Variants in SUMO2 observed in about 807,000 individuals in gnomAD.
The protein encoded by SUMO2 is small ubiquitin like modifier 2, also known as small ubiquitin-related modifier 2.
A neutral mutation model predicts 16.0 loss-of-function variants in SUMO2; 1 was observed. The ratio of observed to expected loss-of-function variants is 0.06; its 90% confidence interval spans 0.02 to 0.30. The LOEUF (loss-of-function observed/expected upper bound fraction) is 0.30, where lower values mean the gene tolerates loss of function less well. Among genes scored for constraint, SUMO2 ranks in the 10% least tolerant of loss-of-function variants. SUMO2 has a pLI of 1.00. For missense variants in SUMO2, 16 were observed against 117.5 expected (o/e 0.14, Z 3.99); for synonymous variants, 36 against 40.6 (o/e 0.89, Z 0.43).
chr17:75,172,717 C>T (rs921703485), intron 3 of SUMO2, among the ~76,000 whole-genome samples: 15 of 151,618 alleles, frequency 9.9e-5, no homozygotes, highest in Non-Finnish European at 2.1e-4. Context: ...TCAGGTGATC[C>T]GCCCACCTCG....
At chr17:75,174,695 A>G in intron 3 of SUMO2, 57 bp downstream of exon 3, 6 of 1,480,022 alleles carry the variant, frequency 4.1e-6, no homozygotes, top group Non-Finnish European at 5.6e-6. Context: ...ATTCATAAAC[A>G]CAGCTGTTCA....
At chr17:75,174,125 A>G (rs1052666832) in intron 3 of SUMO2, among the ~76,000 whole-genome samples, 2 of 152,220 alleles carry the variant, frequency 1.3e-5, no homozygotes, top group African/African-American at 2.4e-5. Context: ...GCGGTGGCTC[A>G]CACCTGTCAA....
At chr17:75,169,315 G>T (rs941238153) in intron 3 of SUMO2, among the ~76,000 whole-genome samples, 1 of 152,068 alleles carries the variant, frequency 6.6e-6, no homozygotes, top group African/African-American at 2.4e-5. Context: ...GAAGTGGGCG[G>T]GTCACCTGAG....
At chr17:75,174,990 TTTC>T (rs2074770775) in intron 2 of SUMO2, among the ~76,000 whole-genome samples, 167 bp from the exon 3 acceptor site, 1 of 152,178 alleles carries the variant, frequency 6.6e-6, no homozygotes, top group African/African-American at 2.4e-5. Flanking sequence ...TGATTTTCAT[TTTC>T]TTTTTTTTGA....
At chr17:75,179,933 C>T (rs1344004915) in intron 2 of SUMO2, among the ~76,000 whole-genome samples, 1 of 152,172 alleles carries the variant, frequency 6.6e-6, no homozygotes, top group African/African-American at 2.4e-5. Context: ...ATATGAGCCA[C>T]TGCATCAGGC....
At chr17:75,181,002 A>G (rs2074824843) in intron 2 of SUMO2, 55 bp downstream of exon 2, 1 of 1,603,060 alleles carries the variant, frequency 6.2e-7, no homozygotes, top group Non-Finnish European at 8.5e-7. Context: ...TCCCATGAAA[A>G]TAAGATTTTT....
chr17:75,174,891 T>C (rs2074769979), intron 2 of SUMO2, 68 bp from the exon 3 acceptor site: 1 of 1,380,398 alleles, frequency 7.2e-7, no homozygotes, highest in Non-Finnish European at 1.0e-6. Context: ...TAAAAGTACA[T>C]GCATATTTAA....
chr17:75,182,672 G>T, intron 1 of SUMO2, 142 bp downstream of exon 1: 2 of 592,408 alleles, frequency 3.4e-6, no homozygotes, highest in South Asian at 1.7e-4. Context: ...AAAATGGCGC[G>T]GAGCGCCCGG....
rs779312549 is a variant in SUMO2 at position 75,181,168 on chromosome 17, G to A, written c.42C>T (p.Asn14=). 4 of 1,613,700 alleles carry A rather than the reference G, an allele frequency of 2.5e-6. No homozygotes were observed. Among genetic ancestry groups the A allele is most frequent in the African/African-American group, 2.7e-5 (2 of 74,876 alleles). Residue 14 remains asparagine (N), a synonymous_variant, in exon 2 of 4, where the codon AAC becomes AAT. Coordinates refer to ENST00000420826, the MANE Select transcript of SUMO2 (RefSeq NM_006937.4). ...EKPKEGVKTE[N]NDHINLKVAG... Reference sequence around the variant, plus strand: ...CCACCTTCAAATTAATATGATCGTTGTTCTCAGTCTTGACTCCTTCCTGTT... The same window carrying A: ...CCACCTTCAAATTAATATGATCGTTATTCTCAGTCTTGACTCCTTCCTGTT...
At chr17:75,172,847 C>T (rs1233272768) in intron 3 of SUMO2, among the ~76,000 whole-genome samples, 1 of 151,946 alleles carries the variant, frequency 6.6e-6, no homozygotes, top group Non-Finnish European at 1.5e-5. Flanking sequence ...TCTCAAACTC[C>T]TGACCTCAAG....
intron 2 of SUMO2, among the ~76,000 whole-genome samples, chr17:75,178,312 G>A (rs565572384): frequency 6.6e-6 from 1 of 151,516 alleles, no homozygotes; most frequent in African/African-American, 2.4e-5. Flanking sequence ...TCAAGAGATC[G>A]AGATCATCCT....
chr17:75,180,407 A>AAC (rs994365381), intron 2 of SUMO2, among the ~76,000 whole-genome samples: 4 of 145,142 alleles, frequency 2.8e-5, no homozygotes, highest in Non-Finnish European at 4.6e-5. Flanking sequence ...AAAAAAAAAA[A>AAC]AAAAAAAAAA....
intron 3 of SUMO2, among the ~76,000 whole-genome samples, chr17:75,171,084 G>T (rs574942737): frequency 6.7e-6 from 1 of 149,750 alleles, no homozygotes; most frequent in Non-Finnish European, 1.5e-5. Flanking sequence ...AAAAAAAAAA[G>T]TACACCCCAA....
At position 75,178,717 on chromosome 17, in the gene SUMO2, T is replaced by C. The variant is rs568806838; in HGVS notation, c.153+2340A>G. ...TGAAATAGCCTGGACTACAGGTATG[T>C]GCCACCACAACCACCTAATTTTTTT... On this transcript the variant is annotated intron_variant, in intron 2 of 3. Coordinates refer to ENST00000420826, the MANE Select transcript of SUMO2 (RefSeq NM_006937.4). 8.7e-4 allele frequency among the ~76,000 whole-genome samples: 133 copies of C among 152,056 alleles called. 2 individuals carry two copies. Among genetic ancestry groups the C allele is most frequent in the African/African-American group, 3.1e-3 (130 of 41,476 alleles).
intron 2 of SUMO2, among the ~76,000 whole-genome samples, chr17:75,177,988 C>CAAA (rs59613076): frequency 0.15 from 10,012 of 66,026 alleles, 1,943 homozygotes; most frequent in Middle Eastern, 0.28. Flanking sequence ...GACTCCGTCT[C>CAAA]AAAAAAAAAA....
Position 75,167,341 on chromosome 17 carries a change from A to G in SUMO2, c.*998T>C, listed in dbSNP as rs1265239094. 2 of 151,976 alleles carry G rather than the reference A, an allele frequency of 1.3e-5. No individual in the cohort carries two copies. Among genetic ancestry groups the G allele is most frequent in the Non-Finnish European group, 2.9e-5 (2 of 68,014 alleles). The allele number at this position is 151,976 out of a possible 1,614,324, so 9.4% of individuals were successfully genotyped here. On this transcript the variant is annotated 3_prime_UTR_variant, in exon 4 of 4. Coordinates refer to ENST00000420826, the MANE Select transcript of SUMO2 (RefSeq NM_006937.4). Reference sequence around the variant, plus strand: ...ACGAAAACTTTATTTTAGGTTAGGGAGTATTTACTTATGATAAGTGCAGGC... The same window carrying G: ...ACGAAAACTTTATTTTAGGTTAGGGGGTATTTACTTATGATAAGTGCAGGC...
intron 2 of SUMO2, among the ~76,000 whole-genome samples, chr17:75,176,074 T>G (rs1292403356): frequency 6.6e-6 from 1 of 151,882 alleles, no homozygotes; most frequent in African/African-American, 2.4e-5. Flanking sequence ...GGAGTCTCGC[T>G]CTGTCGCCCA....
At chr17:75,177,200 TA>T (rs1340222699) in intron 2 of SUMO2, among the ~76,000 whole-genome samples, 1 of 149,752 alleles carries the variant, frequency 6.7e-6, no homozygotes, top group Admixed American at 6.7e-5. Flanking sequence ...ATTAATTAAA[TA>T]AATAAAAATA....
Position 75,182,893 on chromosome 17 carries a change from A to G in SUMO2, c.-59T>C. 7.7e-7 allele frequency: 1 copy of G among 1,305,830 alleles called. No individual in the cohort carries two copies. The highest frequency in any genetic ancestry group is 3.5e-5 in the Admixed American group (1 of 28,346). 80.9% of individuals were successfully genotyped at this position (1,305,830 alleles called of 1,614,324 possible). A position where few individuals can be genotyped will look rare whatever the true frequency, so the allele number is the denominator to read the frequency against. On this transcript the variant is annotated 5_prime_UTR_variant, in exon 1 of 4. Transcript: ENST00000420826. ...ACAAAAGAGGTACCAGGTCCGCACC[A>G]AACGAGCACACAAGCAGCACCAGGA...
Sources: allele counts gnomAD v4.1 joint callset (sites outside exome capture counted in the v4.1 genomes callset), GRCh38; gene constraint gnomAD v4.1.1; transcripts MANE v1.5; gene names NCBI Gene and HGNC (gene_info 2026-07-23, HGNC 2026-07-21).